Variants in DOCK4 observed in about 807,000 individuals in gnomAD.
DOCK4 encodes the protein dedicator of cytokinesis protein 4.
In DOCK4, 97 loss-of-function variants were observed where a neutral mutation model predicts 268.1. That is an observed-to-expected ratio of 0.36 (90% CI 0.31 to 0.43). DOCK4 has a LOEUF of 0.43. Ranked by LOEUF, DOCK4 falls within the 20% of genes least tolerant of loss-of-function variation. The pLI is 1.00. For synonymous variants in DOCK4, 954 were observed against 887.2 expected, an observed-to-expected ratio of 1.08 and a Z score of -1.34; for missense variants, 2,145 against 2,455.7, an observed-to-expected ratio of 0.87 and a Z score of 2.67.
At chr7:111,985,148 C>T (rs1458218473) in intron 6 of DOCK4, among the ~76,000 whole-genome samples, 2 of 152,040 alleles carry the variant, frequency 1.3e-5, no homozygotes, top group Admixed American at 6.6e-5. Context: ...GGTTAGCTTC[C>T]CTCTAGCGAC....
chr7:112,074,965 C>T (rs1445529652), intron 1 of DOCK4, among the ~76,000 whole-genome samples: 2 of 152,172 alleles, frequency 1.3e-5, no homozygotes, highest in African/African-American at 4.8e-5. Context: ...ACATTTGATC[C>T]CTTAGGGTCC....
chr7:112,043,691 G>A (rs561355850), intron 1 of DOCK4, among the ~76,000 whole-genome samples: 12 of 151,904 alleles, frequency 7.9e-5, no homozygotes, highest in Admixed American at 2.0e-4. Context: ...GGAATGAACA[G>A]GCAACCCTGG....
In DOCK4 at chr7:112,052,407, T is replaced by C. The variant is rs151222576; in HGVS notation, c.38-48276A>G. Among the ~76,000 whole-genome samples, 292 of 152,320 alleles carry C rather than the reference T, an allele frequency of 1.9e-3. 1 individual carries two copies. The highest frequency in any genetic ancestry group is 4.6e-4 in the Non-Finnish European group (31 of 68,028). ...CTCTATAGATATAAGTAATGTTGCATTTGGTAGAATTTTGGAGTTTCATTG... is the reference window on the plus strand; with the variant it reads ...CTCTATAGATATAAGTAATGTTGCACTTGGTAGAATTTTGGAGTTTCATTG... On this transcript the variant is annotated intron_variant, in intron 1 of 52. Transcript: ENST00000428084.
intron 50 of DOCK4, among the ~76,000 whole-genome samples, chr7:111,736,537 T>G (rs758772384): frequency 1.3e-4 from 20 of 152,140 alleles, no homozygotes; most frequent in Admixed American, 4.6e-4. Context: ...TGAATGAGCT[T>G]TGTAAGGGAG....
chr7:111,745,793 A>C (rs946550453), intron 44 of DOCK4, among the ~76,000 whole-genome samples: 1 of 150,520 alleles, frequency 6.6e-6, no homozygotes, highest in Non-Finnish European at 1.5e-5. Context: ...TGTTTGTTTC[A>C]CAGGTTGAAC....
intron 21 of DOCK4, 36 bp from the exon 22 acceptor site, chr7:111,868,190 G>A (rs1806128676): frequency 1.4e-6 from 2 of 1,477,114 alleles, no homozygotes; most frequent in Admixed American, 2.2e-5. Flanking sequence ...AGCTTCAAAG[G>A]AGACAAAGAG....
intron 1 of DOCK4, among the ~76,000 whole-genome samples, chr7:112,084,186 T>C (rs1056457197): frequency 2.0e-5 from 3 of 149,482 alleles, no homozygotes; most frequent in African/African-American, 7.4e-5. Flanking sequence ...CCAATCTCTA[T>C]CACAGAGAGT....
chr7:111,839,734 T>G (rs1803523302), intron 25 of DOCK4, among the ~76,000 whole-genome samples: 1 of 152,200 alleles, frequency 6.6e-6, no homozygotes, highest in African/African-American at 2.4e-5. Context: ...TTCAACTCTG[T>G]TAGGAGGCCT....
intron 7 of DOCK4, among the ~76,000 whole-genome samples, chr7:111,982,942 A>T (rs1314854397): frequency 6.6e-6 from 1 of 152,234 alleles, no homozygotes; most frequent in Non-Finnish European, 1.5e-5. Flanking sequence ...TATGTAAGCT[A>T]AGAGGCAGTG....
At chr7:112,127,570 A>T (rs1166406512) in intron 1 of DOCK4, among the ~76,000 whole-genome samples, 4 of 152,154 alleles carry the variant, frequency 2.6e-5, no homozygotes, top group Admixed American at 1.3e-4. Flanking sequence ...TAATAATAAA[A>T]AAAAACTTCT....
At chr7:112,020,860 T>A (rs1684307942) in intron 1 of DOCK4, among the ~76,000 whole-genome samples, 1 of 152,214 alleles carries the variant, frequency 6.6e-6, no homozygotes, top group African/African-American at 2.4e-5. Context: ...CATGATCTAA[T>A]CCTAACACAT....
intron 1 of DOCK4, among the ~76,000 whole-genome samples, chr7:112,097,670 A>G (rs1810278833): frequency 6.6e-6 from 1 of 152,224 alleles, no homozygotes; most frequent in African/African-American, 2.4e-5. Flanking sequence ...TACTTTTGTT[A>G]TTCTGATCAG....
At chr7:111,841,667 T>C (rs1803707489) in intron 25 of DOCK4, among the ~76,000 whole-genome samples, 1 of 152,194 alleles carries the variant, frequency 6.6e-6, no homozygotes, top group African/African-American at 2.4e-5. Flanking sequence ...CTGGACAGTC[T>C]GGTTTCTCAC....
At chr7:111,803,017 C>A (rs1586031955) in intron 30 of DOCK4, among the ~76,000 whole-genome samples, 1 of 152,104 alleles carries the variant, frequency 6.6e-6, no homozygotes, top group African/African-American at 2.4e-5. Flanking sequence ...AATAAAAATT[C>A]CTTAAATTAA....
At chr7:111,813,481 G>A (rs1185175828) in intron 27 of DOCK4, among the ~76,000 whole-genome samples, 1 of 152,160 alleles carries the variant, frequency 6.6e-6, no homozygotes. Flanking sequence ...GTTGAATGTG[G>A]AAGTTCAAGG....
intron 1 of DOCK4, among the ~76,000 whole-genome samples, chr7:112,077,801 T>C (rs1167374152): frequency 1.3e-5 from 2 of 152,168 alleles, no homozygotes; most frequent in African/African-American, 4.8e-5. Context: ...CTCAAATTTT[T>C]ATAAAATGTT....
intron 1 of DOCK4, among the ~76,000 whole-genome samples, chr7:112,089,302 T>G (rs1012805): frequency 0.037 from 5,645 of 152,218 alleles, 364 homozygotes; most frequent in African/African-American, 0.13. Flanking sequence ...AGAACACCTT[T>G]GCTATATATA....
intron 23 of DOCK4, among the ~76,000 whole-genome samples, chr7:111,850,678 T>C (rs749630709): frequency 1.3e-5 from 2 of 152,108 alleles, no homozygotes; most frequent in African/African-American, 2.4e-5. Flanking sequence ...CCTTGTGACA[T>C]TCCTTCTCCT....
intron 1 of DOCK4, among the ~76,000 whole-genome samples, chr7:112,123,930 A>C (rs1264736374): frequency 6.6e-6 from 1 of 152,270 alleles, no homozygotes; most frequent in Non-Finnish European, 1.5e-5. Flanking sequence ...TATATGGCAC[A>C]CCCATTACTC....
Sources: allele counts gnomAD v4.1 joint callset (sites outside exome capture counted in the v4.1 genomes callset), GRCh38; gene constraint gnomAD v4.1.1; transcripts MANE v1.5; gene names NCBI Gene and HGNC (gene_info 2026-07-23, HGNC 2026-07-21).